Variants in TCF25 observed in about 807,000 individuals in gnomAD.
TCF25 encodes TCF25 ribosome quality control complex subunit.
In TCF25, 41 loss-of-function variants were observed where a neutral mutation model predicts 83.1. That is an observed-to-expected ratio of 0.49 (90% CI 0.38 to 0.64). The LOEUF (loss-of-function observed/expected upper bound fraction) is 0.64. Ranked by LOEUF, TCF25 falls within the 30% of genes least tolerant of loss-of-function variation. TCF25 has a pLI of 0.00. For missense variants in TCF25, 979 were observed against 914.5 expected (o/e 1.07, Z -0.91); for synonymous variants, 458 against 365.0 (o/e 1.25, Z -2.90).
intron 1 of TCF25, among the ~76,000 whole-genome samples, chr16:89,882,698 C>T (rs887847087): frequency 2.0e-4 from 30 of 152,232 alleles, no homozygotes; most frequent in African/African-American, 7.2e-4. Flanking sequence ...ACGATTATAC[C>T]ACTTCAGCCT....
intron 16 of TCF25, 165 bp from the exon 17 acceptor site, chr16:89,910,426 C>T: frequency 1.5e-6 from 1 of 673,044 alleles, no homozygotes; most frequent in South Asian, 1.8e-5. Flanking sequence ...CCTCACGGGC[C>T]ACCCGGGGAA....
Position 89,907,254 on chromosome 16 carries a change from G to T in TCF25, c.1731G>T (p.Thr577=). ...AVAALPPDVT[T]QSVMGFDPLP... is the part of the protein sequence containing the mutation. ...GTCCCTTTCTGAAGGACGTGACCAC[G>T]CAGTCTGTGATGGGGTTTGATCCTC... is the stretch of plus-strand genomic sequence containing the variant. The change falls in exon 16 of 18, where the codon ACG becomes ACT. Residue 577 remains threonine, a synonymous_variant. Transcript: ENST00000263346. 5 of 1,612,372 alleles carry T rather than the reference G, an allele frequency of 3.1e-6. No homozygotes were observed. Among genetic ancestry groups the T allele is most frequent in the Non-Finnish European group, 4.2e-6 (5 of 1,179,228 alleles).
rs377585892 is a variant in TCF25, at chr16:89,873,883, G to A, written c.192+24G>A. The A allele has an allele frequency of 1.5e-5, 22 of 1,507,680 alleles. No individual in the cohort carries two copies. The East Asian group carries it at 5.5e-4, about 37-fold the overall frequency. 93.4% of individuals were successfully genotyped at this position (1,507,680 alleles called of 1,614,324 possible). On this transcript the variant is annotated intron_variant, in intron 1 of 17. Coordinates refer to ENST00000263346, the MANE Select transcript of TCF25 (RefSeq NM_014972.3). ...TGGTGAGGAGCGCGGCGGCCCGGGT[G>A]GGGGTGGGGTGGCCCTTGACGTTGT...
rs765534665 is a variant in TCF25, at chr16:89,898,774, C to G, written c.1123C>G (p.Pro375Ala). ...CTGTGCTGCCTCCGGAAGTCTCGAG[C>G]CGGATGAGGACCCCCTCTGCATGCT... ...EYCKLILSLEPDEDPLCMLLL... is the reference protein window; with the variant it reads ...EYCKLILSLEADEDPLCMLLL... The change falls in exon 11 of 18, where the codon CCG becomes GCG. Residue 375 changes from proline to alanine, a missense_variant. Transcript: ENST00000263346. 2 of 1,613,810 alleles carry G rather than the reference C, an allele frequency of 1.2e-6. No homozygotes were observed. The highest frequency in any genetic ancestry group is 1.7e-6 in the Non-Finnish European group (2 of 1,180,024).
rs1272762253 is a variant in TCF25, at chr16:89,884,621, C to A, written c.394C>A (p.Gln132Lys). The part of the protein sequence containing the change: ...SGKLRKKKKK[Q>K]KNKKSSTGEA... ...CAAACTCCGGAAGAAGAAAAAAAAACAGAAAAACAAGAAAAGCAGCACGGG... is the reference window on the plus strand; with the variant it reads ...CAAACTCCGGAAGAAGAAAAAAAAAAAGAAAAACAAGAAAAGCAGCACGGG... Residue 132 changes from glutamine to lysine, a missense_variant, in exon 3 of 18, where the codon CAG becomes AAG. Gln to Lys is a moderately conservative substitution (Grantham distance 53). Coordinates refer to ENST00000263346, the MANE Select transcript of TCF25 (RefSeq NM_014972.3). 2.5e-6 allele frequency: 4 copies of A among 1,613,312 alleles called. No homozygotes were observed. The highest frequency in any genetic ancestry group is 2.7e-5 in the African/African-American group (2 of 74,854).
rs755303155 is a variant in TCF25 at position 89,907,233 on chromosome 16, C to T, written c.1720-10C>T. 1.6e-5 allele frequency: 26 copies of T among 1,612,638 alleles called. No homozygotes were observed. The South Asian group carries it at 2.5e-4, about 16-fold the overall frequency. Reference sequence around the variant, plus strand: ...TCTGTAGCATCTTCGTTTTATGTCCCTTTCTGAAGGACGTGACCACGCAGT... The same window carrying T: ...TCTGTAGCATCTTCGTTTTATGTCCTTTTCTGAAGGACGTGACCACGCAGT... On this transcript the variant is annotated splice_polypyrimidine_tract_variant and intron_variant, in intron 15 of 17. Transcript: ENST00000263346.
At chr16:89,891,407 A>G (rs4287569) in intron 5 of TCF25, among the ~76,000 whole-genome samples, 34,221 of 152,158 alleles carry the variant, frequency 0.22, 6,281 homozygotes, top group African/African-American at 0.5. Flanking sequence ...AACTGTGGGG[A>G]GCCCGGGGCC....
chr16:89,890,100 C>T (rs2043312200), intron 5 of TCF25: 1 of 152,198 alleles, frequency 6.6e-6, no homozygotes, highest in Non-Finnish European at 1.5e-5. Flanking sequence ...GATCTCCTGA[C>T]CTCAAGTGAT....
At position 89,904,005 on chromosome 16, in the gene TCF25, T is replaced by C. The variant is rs969056524; in HGVS notation, c.1382-113T>C. ...CGCTGGCCCTGCAGACTCTCCACCT[T>C]AGAACAGCTGTGTCTGTGACAAGGA... On this transcript the variant is annotated intron_variant, in intron 12 of 17. Transcript: ENST00000263346. 1.8e-5 allele frequency: 20 copies of C among 1,087,030 alleles called. No individual in the cohort carries two copies. In the African/African-American group the frequency reaches 2.8e-4, roughly 15 times the overall value. The allele number at this position is 1,087,030 out of a possible 1,614,324, so 67.3% of individuals were successfully genotyped here.
intron 1 of TCF25, among the ~76,000 whole-genome samples, chr16:89,876,741 A>G (rs552284672): frequency 1.3e-5 from 2 of 151,958 alleles, no homozygotes; most frequent in African/African-American, 2.4e-5. Flanking sequence ...CCTGGCTAAC[A>G]CGGTGAAACC....
intron 12 of TCF25, 181 bp downstream of exon 12, chr16:89,900,975 C>A: frequency 1.5e-6 from 1 of 679,742 alleles, no homozygotes; most frequent in Non-Finnish European, 2.2e-6. Context: ...CATCTCGGAA[C>A]CCGCTGCGTG....
At chr16:89,908,920 T>C in intron 16 of TCF25, 1 of 1,287,354 alleles carries the variant, frequency 7.8e-7, no homozygotes, top group South Asian at 1.2e-5. Context: ...CAGACCCAGA[T>C]GCTGAGAGAT....
intron 11 of TCF25, among the ~76,000 whole-genome samples, chr16:89,900,405 C>T (rs1298775874): frequency 2.0e-5 from 3 of 151,790 alleles, no homozygotes; most frequent in South Asian, 2.1e-4. Context: ...CGCTCCGGCT[C>T]AGTCTACTTC....
Position 89,905,016 on chromosome 16 carries a change from G to A in TCF25, c.1548G>A (p.Met516Ile), listed in dbSNP as rs1299333315. The change falls in exon 14 of 18, where the codon ATG (methionine) becomes ATA (isoleucine). Residue 516 changes from methionine to isoleucine, a missense_variant. Coordinates refer to ENST00000263346, the MANE Select transcript of TCF25 (RefSeq NM_014972.3). ...TTCTCTGGAAAGAGCCCGCCACCATGAGCTGGCTGGAGGAGAACGTCCACG... is the reference window on the plus strand; with the variant it reads ...TTCTCTGGAAAGAGCCCGCCACCATAAGCTGGCTGGAGGAGAACGTCCACG... ...SHFLWKEPAT[M>I]SWLEENVHEV... The A allele has an allele frequency of 6.2e-7, 1 of 1,603,406 alleles. No homozygotes were observed. The highest frequency in any genetic ancestry group is 1.7e-5 in the Admixed American group (1 of 58,630).
Position 89,884,617 on chromosome 16 carries a change from AAAAC to A in TCF25, c.392_395del (p.Lys131ArgfsTer16), listed in dbSNP as rs1405849776. ...GTGGCAAACTCCGGAAGAAGAAAAA[AAAAC>A]AGAAAAACAAGAAAAGCAGCACGGG... On this transcript the variant is annotated frameshift_variant, in exon 3 of 18. Transcript: ENST00000263346. LOFTEE classifies it high-confidence loss of function. 6.2e-7 allele frequency: 1 copy of A among 1,613,744 alleles called. No individual in the cohort carries two copies.
intron 2 of TCF25, 138 bp downstream of exon 2, chr16:89,883,650 A>G (rs188740963): frequency 1.1e-5 from 11 of 997,634 alleles, no homozygotes; most frequent in Admixed American, 8.4e-5. Flanking sequence ...GTTGCCCCCA[A>G]ATTTACTTGG....
intron 2 of TCF25, 142 bp from the exon 3 acceptor site, chr16:89,884,440 G>C (rs1041976766): frequency 1.3e-6 from 1 of 745,568 alleles, no homozygotes; most frequent in South Asian, 1.7e-5. Flanking sequence ...GGAGAGAAGA[G>C]AGTGAGTTGA....
chr16:89,884,528 A>G, intron 2 of TCF25, 54 bp from the exon 3 acceptor site: 2 of 1,588,598 alleles, frequency 1.3e-6, no homozygotes, highest in South Asian at 1.1e-5. Context: ...TTTAATTCTC[A>G]CTTCTTAAGA....
At chr16:89,901,251 C>G (rs542256797) in intron 12 of TCF25, among the ~76,000 whole-genome samples, 1 of 152,272 alleles carries the variant, frequency 6.6e-6, no homozygotes, top group Non-Finnish European at 1.5e-5. Flanking sequence ...ATCTGGGTAG[C>G]TTCGATCCAC....
Sources: gnomAD v4.1 joint callset for allele counts (sites outside exome capture counted in the v4.1 genomes callset) on GRCh38, gnomAD v4.1.1 for gene constraint, MANE v1.5 for transcripts, NCBI Gene and HGNC (gene_info 2026-07-23, HGNC 2026-07-21) for gene names.